Variants in GUCY1A2 observed in about 807,000 individuals in gnomAD.
GUCY1A2 encodes guanylate cyclase 1 soluble subunit alpha 2.
In GUCY1A2, 27 loss-of-function variants were observed where a neutral mutation model predicts 63.5. That is an observed-to-expected ratio of 0.43 (90% CI 0.31 to 0.59). The LOEUF is 0.59. Ranked by LOEUF, GUCY1A2 falls within the 20% of genes least tolerant of loss-of-function variation. The pLI is 0.11. For missense variants in GUCY1A2, 768 were observed against 913.3 expected (o/e 0.84, Z 2.05); for synonymous variants, 364 against 343.5 (o/e 1.06, Z -0.66).
At chr11:106,783,954 G>T (rs1354026902) in intron 5 of GUCY1A2, among the ~76,000 whole-genome samples, 1 of 152,132 alleles carries the variant, frequency 6.6e-6, no homozygotes, top group Non-Finnish European at 1.5e-5. Context: ...GGAAGCCCCT[G>T]TTAGCCTGTG....
chr11:106,951,318 C>T (rs993724884), intron 3 of GUCY1A2, among the ~76,000 whole-genome samples: 6 of 152,220 alleles, frequency 3.9e-5, no homozygotes, highest in Non-Finnish European at 7.3e-5. Flanking sequence ...AATCGCCACA[C>T]TGTCTTCCAC....
At chr11:106,726,178 G>C (rs7126092) in intron 6 of GUCY1A2, among the ~76,000 whole-genome samples, 30,059 of 152,108 alleles carry the variant, frequency 0.2, 3,534 homozygotes, top group South Asian at 0.27. Context: ...AATTTGGGAG[G>C]CTGAAGCAGG....
intron 5 of GUCY1A2, among the ~76,000 whole-genome samples, chr11:106,787,540 G>A (rs1177946041): frequency 1.4e-5 from 2 of 140,234 alleles, no homozygotes; most frequent in Non-Finnish European, 1.5e-5. Context: ...GAGAGAAAGA[G>A]AGAAAGATAG....
At chr11:106,984,763 C>T (rs932369369) in intron 2 of GUCY1A2, among the ~76,000 whole-genome samples, 16 of 152,148 alleles carry the variant, frequency 1.1e-4, no homozygotes, top group African/African-American at 3.1e-4. Flanking sequence ...ACTTGGAAAG[C>T]GGCAAATTCA....
At chr11:106,792,813 A>G (rs1365522056) in intron 5 of GUCY1A2, among the ~76,000 whole-genome samples, 1 of 152,188 alleles carries the variant, frequency 6.6e-6, no homozygotes, top group Non-Finnish European at 1.5e-5. Flanking sequence ...ACTACTTAAA[A>G]TTAATTTCAT....
intron 6 of GUCY1A2, among the ~76,000 whole-genome samples, chr11:106,740,759 C>T (rs751006299): frequency 3.6e-4 from 55 of 151,116 alleles, no homozygotes; most frequent in Admixed American, 7.9e-4. Context: ...CTGCAACCTC[C>T]GCCTCCTGGG....
intron 6 of GUCY1A2, among the ~76,000 whole-genome samples, chr11:106,740,141 GGCA>G (rs1863666973): frequency 6.6e-6 from 1 of 151,850 alleles, no homozygotes; most frequent in Non-Finnish European, 1.5e-5. Context: ...TCGGATTACA[GGCA>G]CCCACCACCA....
At chr11:106,958,459 T>C (rs1861018495) in intron 3 of GUCY1A2, among the ~76,000 whole-genome samples, 1 of 152,242 alleles carries the variant, frequency 6.6e-6, no homozygotes, top group African/African-American at 2.4e-5. Flanking sequence ...CCTCATATAC[T>C]AGGTGGTGAT....
chr11:106,851,082 A>C (rs1289771620), intron 4 of GUCY1A2, among the ~76,000 whole-genome samples: 1 of 151,934 alleles, frequency 6.6e-6, no homozygotes, highest in Non-Finnish European at 1.5e-5. Context: ...CATTTCCCTA[A>C]CAATTAGTGA....
chr11:106,921,151 G>A (rs1257393765), intron 4 of GUCY1A2, among the ~76,000 whole-genome samples: 25 of 152,050 alleles, frequency 1.6e-4, no homozygotes, highest in Non-Finnish European at 1.5e-5. Context: ...CCAAAAACAG[G>A]GCATGGAAGT....
chr11:106,949,680 A>G (rs1408611662), intron 3 of GUCY1A2, among the ~76,000 whole-genome samples: 2 of 152,110 alleles, frequency 1.3e-5, no homozygotes, highest in East Asian at 3.9e-4. Flanking sequence ...ACCAGACTTA[A>G]CCTCTTGAAG....
At chr11:106,879,881 C>T (rs538265979) in intron 4 of GUCY1A2, among the ~76,000 whole-genome samples, 14 of 152,128 alleles carry the variant, frequency 9.2e-5, no homozygotes, top group East Asian at 1.9e-4. Context: ...CAACTGTCTA[C>T]GTCCATTAAG....
chr11:106,857,322 T>G (rs1859450526), intron 4 of GUCY1A2, among the ~76,000 whole-genome samples: 1 of 152,126 alleles, frequency 6.6e-6, no homozygotes, highest in Non-Finnish European at 1.5e-5. Context: ...CTCTTTTTCT[T>G]ACACAGGCTC....
At chr11:106,928,134 T>A (rs1340204355) in intron 4 of GUCY1A2, among the ~76,000 whole-genome samples, 1 of 152,182 alleles carries the variant, frequency 6.6e-6, no homozygotes, top group Non-Finnish European at 1.5e-5. Flanking sequence ...CAAGCTGCCA[T>A]AAATCATAGT....
chr11:106,853,410 A>T (rs1859382905), intron 4 of GUCY1A2, among the ~76,000 whole-genome samples: 1 of 151,672 alleles, frequency 6.6e-6, no homozygotes, highest in South Asian at 2.1e-4. Flanking sequence ...TTCAAGTTTA[A>T]TTATTTCTTC....
intron 3 of GUCY1A2, among the ~76,000 whole-genome samples, chr11:106,944,718 A>G (rs926708476): frequency 3.9e-5 from 6 of 152,220 alleles, no homozygotes; most frequent in African/African-American, 7.2e-5. Context: ...GAAATGTGGT[A>G]TAATGAAGAT....
rs114488044 is a variant in GUCY1A2 at position 106,747,482 on chromosome 11, A to G, written c.1836+28957T>C. On this transcript the variant is annotated intron_variant, in intron 6 of 7. Coordinates refer to ENST00000526355, the MANE Select transcript of GUCY1A2 (RefSeq NM_000855.3). ...TTGCTATACTGGAGGATCTACTGCA[A>G]TGAGGAGAAGGCAATAACTGCTTAA... is the stretch of plus-strand genomic sequence containing the variant. Among the ~76,000 whole-genome samples the G allele has an allele frequency of 3.1e-3, 474 of 152,320 alleles. 4 individuals carry two copies. Among genetic ancestry groups the G allele is most frequent in the African/African-American group, 0.011 (440 of 41,588 alleles).
intron 4 of GUCY1A2, chr11:106,827,627 C>G: frequency 1.3e-6 from 2 of 1,528,498 alleles, no homozygotes; most frequent in South Asian, 1.1e-5. Flanking sequence ...TCTTCAGTTG[C>G]TTTACGCCAG....
At chr11:106,842,906 C>A (rs1859220193) in intron 4 of GUCY1A2, among the ~76,000 whole-genome samples, 1 of 151,900 alleles carries the variant, frequency 6.6e-6, no homozygotes. Context: ...GTGTCTGTGG[C>A]AGTGCCATGT....
Sources: gnomAD v4.1 joint callset for allele counts (sites outside exome capture counted in the v4.1 genomes callset) on GRCh38, gnomAD v4.1.1 for gene constraint, MANE v1.5 for transcripts, NCBI Gene and HGNC (gene_info 2026-07-23, HGNC 2026-07-21) for gene names.